Variants in SRPRB observed in about 807,000 individuals in gnomAD.
The protein encoded by SRPRB is signal recognition particle receptor subunit beta.
SRPRB carries 20 observed loss-of-function variants against 31.9 expected under a neutral mutation model. That is an observed-to-expected ratio of 0.63 (90% CI 0.44 to 0.91). The LOEUF is 0.91. Among genes scored for constraint, SRPRB ranks in the 40% least tolerant of loss-of-function variants. The pLI is 0.00. For missense variants in SRPRB, 321 were observed against 324.9 expected (o/e 0.99, Z 0.09); for synonymous variants, 146 against 132.8 (o/e 1.10, Z -0.68).
intron 4 of SRPRB, among the ~76,000 whole-genome samples, chr3:133,813,210 G>T (rs6806081): frequency 1.3e-5 from 2 of 152,102 alleles, no homozygotes; most frequent in Non-Finnish European, 2.9e-5. Flanking sequence ...TTCAAGGATG[G>T]ATTTAGCTTT....
chr3:133,800,492 A>G (rs1009050539), intron 1 of SRPRB, among the ~76,000 whole-genome samples: 18 of 152,214 alleles, frequency 1.2e-4, no homozygotes, highest in African/African-American at 4.1e-4. Flanking sequence ...GACTGGAGGG[A>G]GCTGCCCAAG....
chr3:133,816,811 T>C, intron 5 of SRPRB, 67 bp from the exon 6 acceptor site: 1 of 1,296,130 alleles, frequency 7.7e-7, no homozygotes, highest in East Asian at 2.5e-5. Context: ...TTTCCTTCTG[T>C]GTAAGAAGTC....
downstream of SRPRB, chr3:133,827,746 A>AACCCCC: frequency 5.5e-5 from 4 of 72,110 alleles, no homozygotes; most frequent in Non-Finnish European, 8.2e-5. Flanking sequence ...TGCAGACAAC[A>AACCCCC]CCCCCCCCCC....
chr3:133,792,718 GA>G (rs1341175007), intron 1 of SRPRB: 1 of 152,114 alleles, frequency 6.6e-6, no homozygotes, highest in Non-Finnish European at 1.5e-5. Flanking sequence ...TGGGAATGTA[GA>G]TTTTTTTTTC....
upstream of SRPRB, among the ~76,000 whole-genome samples, chr3:133,805,231 G>A (rs879276113): frequency 2.0e-5 from 3 of 152,116 alleles, no homozygotes; most frequent in Non-Finnish European, 2.9e-5. Flanking sequence ...ACAGTGTAGG[G>A]GCACTGAATT....
chr3:133,821,930 T>A (rs1935481303), downstream of SRPRB, among the ~76,000 whole-genome samples: 1 of 152,174 alleles, frequency 6.6e-6, no homozygotes, highest in African/African-American at 2.4e-5. Context: ...ACTCTGACCT[T>A]GCTTCTTACT....
At position 133,806,706 on chromosome 3, in the gene SRPRB, A is replaced by G; in HGVS notation, c.249+3A>G. ...GGAAAACGTTGCTCTTTGTCAGGGT[A>G]AATGATTTCATTGACACCCCTGTTA... On this transcript the variant is annotated splice_donor_region_variant and intron_variant, in intron 2 of 6. Coordinates refer to ENST00000678299, the MANE Select transcript of SRPRB (RefSeq NM_001379313.1). The G allele has an allele frequency of 3.7e-6, 6 of 1,612,186 alleles. No homozygotes were observed. Among genetic ancestry groups the G allele is most frequent in the Non-Finnish European group, 5.1e-6 (6 of 1,178,278 alleles).
At chr3:133,805,024 A>C (rs941500209), upstream of SRPRB, among the ~76,000 whole-genome samples, 8 of 152,218 alleles carry the variant, frequency 5.3e-5, no homozygotes, top group African/African-American at 1.9e-4. Flanking sequence ...TCCTATAAAA[A>C]TCTGCCTTTA....
At chr3:133,795,619 G>A (rs7627021) in intron 1 of SRPRB, 108,761 of 143,788 alleles carry the variant, frequency 0.76, 41,545 homozygotes, top group African/African-American at 0.88. Context: ...TCTGTCACCC[G>A]GGCTGGAGTG....
chr3:133,803,672 T>C (rs77885006), upstream of SRPRB, among the ~76,000 whole-genome samples: 282 of 146,994 alleles, frequency 1.9e-3, 1 homozygote, highest in Non-Finnish European at 2.6e-3. Flanking sequence ...TTTTTTTTTT[T>C]CCTTTTTTTG....
intron 1 of SRPRB, chr3:133,787,735 T>C (rs987169914): frequency 2.0e-5 from 3 of 152,240 alleles, no homozygotes; most frequent in African/African-American, 7.2e-5. Context: ...TTGCCTTATA[T>C]GTTAAATGCA....
At chr3:133,823,922 G>A (rs1935514117), downstream of SRPRB, among the ~76,000 whole-genome samples, 2 of 152,170 alleles carry the variant, frequency 1.3e-5, no homozygotes, top group African/African-American at 4.8e-5. Flanking sequence ...CAAGCAGAGT[G>A]GGGATGAAGG....
intron 1 of SRPRB, among the ~76,000 whole-genome samples, chr3:133,799,057 A>G (rs1935022307): frequency 6.6e-6 from 1 of 152,186 alleles, no homozygotes; most frequent in Non-Finnish European, 1.5e-5. Context: ...AAAGTTAAAG[A>G]AAAACTACTA....
downstream of SRPRB, chr3:133,827,627 G>A (rs940229773): frequency 2.1e-5 from 10 of 483,088 alleles, no homozygotes; most frequent in South Asian, 1.1e-4. Context: ...CTTCAACTGC[G>A]CCATGCCACT....
At position 133,806,133 on chromosome 3, in the gene SRPRB, G is replaced by A; in HGVS notation, c.154+131G>A. The A allele has an allele frequency of 5.2e-6, 6 of 1,156,878 alleles. No homozygotes were observed. The South Asian group carries it at 7.2e-5, about 14-fold the overall frequency. The allele number at this position is 1,156,878 out of a possible 1,614,324, so 71.7% of individuals were successfully genotyped here. Reference sequence around the variant, plus strand: ...GCATCAGGAGGGTGAGACCCACCCAGTCTACACCCCACCCTCTCTCCTGAA... The same window carrying A: ...GCATCAGGAGGGTGAGACCCACCCAATCTACACCCCACCCTCTCTCCTGAA... On this transcript the variant is annotated intron_variant, in intron 1 of 6. Coordinates refer to ENST00000678299, the MANE Select transcript of SRPRB (RefSeq NM_001379313.1).
upstream of SRPRB, among the ~76,000 whole-genome samples, chr3:133,804,903 C>T (rs1935122400): frequency 6.6e-6 from 1 of 152,190 alleles, no homozygotes; most frequent in Non-Finnish European, 1.5e-5. Flanking sequence ...TGTTTAATGA[C>T]AGAGACTGTG....
chr3:133,807,865 T>C, intron 3 of SRPRB, 42 bp downstream of exon 3: 1 of 1,471,576 alleles, frequency 6.8e-7, no homozygotes, highest in Non-Finnish European at 9.4e-7. Context: ...AGTCTTACTT[T>C]ACTGTGGTGT....
chr3:133,816,585 G>A (rs1428040778), intron 5 of SRPRB, among the ~76,000 whole-genome samples: 2 of 152,162 alleles, frequency 1.3e-5, no homozygotes, highest in African/African-American at 4.8e-5. Context: ...GTTAAACTGA[G>A]TAAACTTATA....
At position 133,819,832 on chromosome 3, in the gene SRPRB, T is replaced by A; in HGVS notation, c.*66T>A. ...AGTTTTGGAAAAAGGTCTGTGGTAG[T>A]CTGGAGTTGATGAGGAAGGGGTACA... On this transcript the variant is annotated 3_prime_UTR_variant, in exon 7 of 7. Transcript: ENST00000678299. The A allele has an allele frequency of 2.1e-6, 3 of 1,453,324 alleles. No homozygotes were observed. Among genetic ancestry groups the A allele is most frequent in the South Asian group, 2.4e-5 (2 of 82,936 alleles). 90.0% of individuals were successfully genotyped at this position (1,453,324 alleles called of 1,614,324 possible).
Sources: allele counts gnomAD v4.1 joint callset (sites outside exome capture counted in the v4.1 genomes callset), GRCh38; gene constraint gnomAD v4.1.1; transcripts MANE v1.5; gene names NCBI Gene and HGNC (gene_info 2026-07-23, HGNC 2026-07-21).